Variants in GRID1 observed in about 807,000 individuals in gnomAD.
GRID1 encodes the protein glutamate ionotropic receptor delta type subunit 1, also known as glutamate receptor ionotropic, delta-1.
In GRID1, 28 loss-of-function variants were observed where a neutral mutation model predicts 98.0. The ratio of observed to expected loss-of-function variants is 0.29; its 90% CI spans 0.21 to 0.39. The LOEUF is 0.39. Ranked by LOEUF, GRID1 falls within the 10% of genes least tolerant of loss-of-function variation. GRID1 has a pLI of 1.00. For synonymous variants in GRID1, 553 were observed against 538.5 expected (o/e 1.03, Z -0.37); for missense variants, 1,111 against 1,340.5 (o/e 0.83, Z 2.67).
rs767291695 is a variant in GRID1, at chr10:85,729,501, C to T, written c.1335+12G>A. 2 of 1,526,906 alleles carry T rather than the reference C, an allele frequency of 1.3e-6. No individual in the cohort carries two copies. Among genetic ancestry groups the T allele is most frequent in the East Asian group, 2.3e-5 (1 of 44,386 alleles). The allele number at this position is 1,526,906 out of a possible 1,614,324, so 94.6% of individuals were successfully genotyped here. A position where few individuals can be genotyped will look rare whatever the true frequency, so the allele number is the denominator to read the frequency against. On this transcript the variant is annotated intron_variant, in intron 9 of 15. Coordinates refer to ENST00000327946, the MANE Select transcript of GRID1 (RefSeq NM_017551.3). Reference sequence around the variant, plus strand: ...GGTGTAGCTCGCTCCCAGAATGTCCCCATGATCCTACCAAGACAGTCACCA... The same window carrying T: ...GGTGTAGCTCGCTCCCAGAATGTCCTCATGATCCTACCAAGACAGTCACCA...
intron 12 of GRID1, among the ~76,000 whole-genome samples, chr10:85,704,033 T>C (rs996298806): frequency 6.6e-6 from 1 of 152,090 alleles, no homozygotes. Context: ...AAAATTATTT[T>C]CTTTAAGAAT....
chr10:86,334,307 T>C (rs1306901451), intron 2 of GRID1, among the ~76,000 whole-genome samples: 1 of 152,188 alleles, frequency 6.6e-6, no homozygotes, highest in Non-Finnish European at 1.5e-5. Flanking sequence ...CTGCTGGCTG[T>C]CTAGATGAAG....
At chr10:85,898,070 G>C (rs1841319640) in intron 5 of GRID1, among the ~76,000 whole-genome samples, 1 of 152,180 alleles carries the variant, frequency 6.6e-6, no homozygotes, top group South Asian at 2.1e-4. Flanking sequence ...AGATGGAACA[G>C]CCAACTGCAC....
intron 4 of GRID1, among the ~76,000 whole-genome samples, chr10:85,980,427 C>CTGTCTGT (rs1262114520): frequency 6.6e-6 from 1 of 151,478 alleles, no homozygotes; most frequent in African/African-American, 2.4e-5. Flanking sequence ...AGATGAGAAA[C>CTGTCTGT]TGTCTGTCTA....
At chr10:86,118,328 C>CG (rs1292650821) in intron 4 of GRID1, among the ~76,000 whole-genome samples, 1 of 151,846 alleles carries the variant, frequency 6.6e-6, no homozygotes, top group African/African-American at 2.4e-5. Context: ...TTTGGAGACT[C>CG]GGGGGAAAGG....
intron 4 of GRID1, among the ~76,000 whole-genome samples, chr10:85,988,609 G>A (rs1247913300): frequency 6.6e-6 from 1 of 152,188 alleles, no homozygotes; most frequent in Non-Finnish European, 1.5e-5. Context: ...GCCCATAGGG[G>A]ATGAACAGCT....
At chr10:85,612,445 C>A (rs571696562) in intron 15 of GRID1, among the ~76,000 whole-genome samples, 5 of 152,272 alleles carry the variant, frequency 3.3e-5, no homozygotes, top group African/African-American at 1.2e-4. Flanking sequence ...CCAGTAAAAA[C>A]AAAAACAGAC....
intron 4 of GRID1, among the ~76,000 whole-genome samples, chr10:86,088,378 T>C (rs930785887): frequency 6.6e-6 from 1 of 152,238 alleles, no homozygotes; most frequent in African/African-American, 2.4e-5. Flanking sequence ...TGAGATTCCT[T>C]ACTTTCTTAG....
chr10:85,705,442 C>G (rs888297320), intron 12 of GRID1, among the ~76,000 whole-genome samples: 2 of 152,050 alleles, frequency 1.3e-5, no homozygotes, highest in Admixed American at 6.5e-5. Flanking sequence ...CCAATAACAG[C>G]CTCTGAAATT....
chr10:86,242,654 C>T (rs2814339), intron 2 of GRID1, among the ~76,000 whole-genome samples: 78,219 of 152,066 alleles, frequency 0.51, 23,948 homozygotes, highest in Non-Finnish European at 0.67. Flanking sequence ...CTGCCCATGC[C>T]CACCTCCAAA....
intron 4 of GRID1, among the ~76,000 whole-genome samples, chr10:85,949,084 A>G (rs529490828): frequency 1.3e-5 from 2 of 152,266 alleles, no homozygotes; most frequent in South Asian, 2.1e-4. Flanking sequence ...GGAACAGAAG[A>G]CGTGCTTCTC....
At chr10:85,741,615 T>G (rs1457459459) in intron 8 of GRID1, among the ~76,000 whole-genome samples, 1 of 152,170 alleles carries the variant, frequency 6.6e-6, no homozygotes, top group Non-Finnish European at 1.5e-5. Flanking sequence ...AGTTTCTTTT[T>G]TATGCACTCC....
At chr10:86,018,037 C>A (rs1295792619) in intron 4 of GRID1, among the ~76,000 whole-genome samples, 1 of 152,174 alleles carries the variant, frequency 6.6e-6, no homozygotes, top group Non-Finnish European at 1.5e-5. Context: ...TTCACACCCA[C>A]TCTCCCAGGC....
intron 4 of GRID1, among the ~76,000 whole-genome samples, chr10:86,090,165 C>G (rs191887805): frequency 6.6e-6 from 1 of 151,916 alleles, no homozygotes; most frequent in East Asian, 1.9e-4. Context: ...CGCCTATAAA[C>G]CCAGCACTTT....
intron 8 of GRID1, among the ~76,000 whole-genome samples, chr10:85,812,179 G>T (rs1842677866): frequency 6.6e-6 from 1 of 152,138 alleles, no homozygotes; most frequent in Non-Finnish European, 1.5e-5. Flanking sequence ...CTTTACTGGT[G>T]TTAAAAGAAA....
At chr10:85,809,331 C>T (rs1842650287) in intron 8 of GRID1, among the ~76,000 whole-genome samples, 1 of 152,080 alleles carries the variant, frequency 6.6e-6, no homozygotes, top group African/African-American at 2.4e-5. Context: ...TAATAAAACA[C>T]ATCAAACCAA....
intron 8 of GRID1, among the ~76,000 whole-genome samples, chr10:85,743,112 C>CCCG (rs996159286): frequency 1.5e-5 from 2 of 131,940 alleles, no homozygotes; most frequent in Non-Finnish European, 3.4e-5. Context: ...GCAGCCCCCC[C>CCCG]CCCCACCACC....
At chr10:85,849,904 T>TA (rs926403095) in intron 8 of GRID1, among the ~76,000 whole-genome samples, 3 of 152,168 alleles carry the variant, frequency 2.0e-5, no homozygotes, top group African/African-American at 7.2e-5. Flanking sequence ...CTGGACAAAA[T>TA]ACTCCTTCAG....
chr10:85,771,774 A>C (rs971899242), intron 8 of GRID1, among the ~76,000 whole-genome samples: 1 of 152,232 alleles, frequency 6.6e-6, no homozygotes, highest in Non-Finnish European at 1.5e-5. Context: ...AGAGCTAACT[A>C]TCCTAAATAT....
Sources: gnomAD v4.1 joint callset for allele counts (sites outside exome capture counted in the v4.1 genomes callset) on GRCh38, gnomAD v4.1.1 for gene constraint, MANE v1.5 for transcripts, NCBI Gene and HGNC (gene_info 2026-07-23, HGNC 2026-07-21) for gene names.